Variants in RPS6KA2 observed in about 807,000 individuals in gnomAD.
RPS6KA2 encodes the protein ribosomal protein S6 kinase alpha-2.
RPS6KA2 carries 42 observed loss-of-function variants against 91.8 expected under a neutral mutation model. That is an observed-to-expected ratio of 0.46 (90% CI 0.36 to 0.59). The LOEUF (loss-of-function observed/expected upper bound fraction) is 0.59. Ranked by LOEUF, RPS6KA2 falls within the 20% of genes least tolerant of loss-of-function variation. The probability of loss-of-function intolerance (pLI) is 0.00; values close to 1 mark genes in which losing one functional copy is unlikely to be tolerated. For missense variants in RPS6KA2, 798 were observed against 978.5 expected (o/e 0.82, Z 2.46); for synonymous variants, 414 against 393.6 (o/e 1.05, Z -0.61).
chr6:166,860,710 G>A (rs7747434), intron 1 of RPS6KA2, among the ~76,000 whole-genome samples: 112,678 of 152,130 alleles, frequency 0.74, 46,019 homozygotes, highest in Non-Finnish European at 0.92. Flanking sequence ...ATGTGCTGAC[G>A]ATGACCAGCT....
At chr6:166,671,910 G>A (rs1486280961) in intron 2 of RPS6KA2, among the ~76,000 whole-genome samples, 1 of 152,138 alleles carries the variant, frequency 6.6e-6, no homozygotes, top group Non-Finnish European at 1.5e-5. Flanking sequence ...GTTCAGATTC[G>A]CAGGAGGACA....
chr6:166,744,707 G>A (rs1271026919), intron 2 of RPS6KA2, among the ~76,000 whole-genome samples: 3 of 152,198 alleles, frequency 2.0e-5, no homozygotes, highest in Admixed American at 6.5e-5. Flanking sequence ...AGGAGGAGAT[G>A]ACACCTGGGG....
intron 15 of RPS6KA2, among the ~76,000 whole-genome samples, chr6:166,431,686 G>A (rs183017129): frequency 6.6e-5 from 10 of 152,026 alleles, no homozygotes; most frequent in South Asian, 2.1e-4. Context: ...GTGTAATCTC[G>A]GTTCAGTGCA....
At chr6:166,735,106 C>T (rs1346500930) in intron 2 of RPS6KA2, among the ~76,000 whole-genome samples, 3 of 152,194 alleles carry the variant, frequency 2.0e-5, no homozygotes, top group African/African-American at 2.4e-5. Flanking sequence ...TGAGAAGGCC[C>T]TAAGCGTGTC....
At chr6:166,644,886 C>T (rs980378228) in intron 2 of RPS6KA2, among the ~76,000 whole-genome samples, 2 of 152,202 alleles carry the variant, frequency 1.3e-5, no homozygotes, top group African/African-American at 2.4e-5. Context: ...CACATACACA[C>T]AGAGGAATGC....
At chr6:166,858,483 G>A (rs1334513401) in intron 1 of RPS6KA2, among the ~76,000 whole-genome samples, 1 of 152,224 alleles carries the variant, frequency 6.6e-6, no homozygotes, top group Non-Finnish European at 1.5e-5. Context: ...AGTAAGGCAA[G>A]GAGTGTTCAC....
intron 13 of RPS6KA2, among the ~76,000 whole-genome samples, chr6:166,449,794 G>GGGGACCACCATGGGAA (rs1562500624): frequency 8.8e-6 from 1 of 113,382 alleles, no homozygotes; most frequent in Non-Finnish European, 1.9e-5. Flanking sequence ...CACCATGGGA[G>GGGGACCACCATGGGAA]CCACCACGGG....
At chr6:166,489,583 G>C (rs1323301030) in intron 9 of RPS6KA2, among the ~76,000 whole-genome samples, 2 of 152,198 alleles carry the variant, frequency 1.3e-5, no homozygotes, top group Non-Finnish European at 2.9e-5. Context: ...GATTATTCCA[G>C]CTTTAGCAAA....
At chr6:166,837,162 C>G (rs541179844) in intron 2 of RPS6KA2, among the ~76,000 whole-genome samples, 32 of 152,320 alleles carry the variant, frequency 2.1e-4, no homozygotes, top group African/African-American at 6.3e-4. Context: ...TCCGAGGCCT[C>G]CTGTCCAGCC....
chr6:166,797,729 G>A (rs978912301), intron 2 of RPS6KA2, among the ~76,000 whole-genome samples: 15 of 151,952 alleles, frequency 9.9e-5, no homozygotes, highest in African/African-American at 3.1e-4. Context: ...GCATATAATC[G>A]GACACGTGCA....
At chr6:166,475,358 T>C (rs1780932638) in intron 10 of RPS6KA2, among the ~76,000 whole-genome samples, 1 of 152,174 alleles carries the variant, frequency 6.6e-6, no homozygotes, top group Non-Finnish European at 1.5e-5. Context: ...CCCTGGCTGC[T>C]CTGTCTCCTC....
At chr6:166,786,840 A>G (rs1277080340) in intron 2 of RPS6KA2, among the ~76,000 whole-genome samples, 1 of 152,176 alleles carries the variant, frequency 6.6e-6, no homozygotes, top group East Asian at 1.9e-4. Flanking sequence ...TCAGTAGAGT[A>G]ATATATATAA....
rs573350250 is a variant in RPS6KA2 at position 166,825,322 on chromosome 6, C to T, written c.123+32878G>A. Among the ~76,000 whole-genome samples the T allele has an allele frequency of 5.3e-5, 8 of 152,262 alleles. No homozygotes were observed. Among genetic ancestry groups the T allele is most frequent in the Admixed American group, 4.6e-4 (7 of 15,302 alleles). On this transcript the variant is annotated intron_variant, in intron 2 of 21. Coordinates refer to the RPS6KA2 transcript ENST00000503859. The surrounding 1 kb of genome is among the most constrained non-coding windows in gnomAD (Gnocchi z 4.1). ...GGTACCCGTGGCTGTGAGGGGAAGG[C>T]GACTATTCTGAAGAGAATAACTTTA... is the stretch of plus-strand genomic sequence containing the variant.
At chr6:166,502,654 A>C (rs1195542694) in intron 6 of RPS6KA2, among the ~76,000 whole-genome samples, 1 of 152,216 alleles carries the variant, frequency 6.6e-6, no homozygotes, top group East Asian at 1.9e-4. Context: ...AATTAATACC[A>C]GGTTAACTTC....
intron 2 of RPS6KA2, among the ~76,000 whole-genome samples, chr6:166,794,503 G>C (rs1583127230): frequency 6.6e-6 from 1 of 151,390 alleles, no homozygotes; most frequent in Admixed American, 6.6e-5. Context: ...TCCCATTACT[G>C]GGTATATACC....
chr6:166,446,314 G>A (rs747442522), intron 14 of RPS6KA2, among the ~76,000 whole-genome samples: 4 of 152,158 alleles, frequency 2.6e-5, no homozygotes, highest in East Asian at 1.9e-4. Context: ...AAAAAGTCCC[G>A]GGCCGTTCAT....
chr6:166,477,354 T>C (rs979219222), intron 10 of RPS6KA2, among the ~76,000 whole-genome samples: 4 of 152,108 alleles, frequency 2.6e-5, no homozygotes, highest in African/African-American at 9.7e-5. Context: ...TTTTAACCAA[T>C]ACTCATCTCT....
chr6:166,701,665 G>A, intron 2 of RPS6KA2: 1 of 1,264,330 alleles, frequency 7.9e-7, no homozygotes, highest in South Asian at 1.2e-5. Context: ...GGCTGAAGGG[G>A]GCCCTGAGGT....
intron 1 of RPS6KA2, among the ~76,000 whole-genome samples, chr6:166,567,398 A>G (rs1784537163): frequency 6.6e-6 from 1 of 152,212 alleles, no homozygotes; most frequent in Non-Finnish European, 1.5e-5. Flanking sequence ...GGTTCACGTG[A>G]GTCACTAAAA....
Sources: gnomAD v4.1 joint callset for allele counts (sites outside exome capture counted in the v4.1 genomes callset) on GRCh38, gnomAD v4.1.1 for gene constraint, Gnocchi (gnomAD v3.1) non-coding constraint, MANE v1.5 for transcripts, NCBI Gene and HGNC (gene_info 2026-07-23, HGNC 2026-07-21) for gene names.